GLRB: variants seen among roughly 807,000 people sequenced by gnomAD.
GLRB encodes the protein glycine receptor beta.
GLRB carries 33 observed loss-of-function variants against 54.2 expected under a neutral mutation model. The ratio of observed to expected loss-of-function variants is 0.61; its 90% CI spans 0.46 to 0.81. The LOEUF is 0.81. Ranked by LOEUF, GLRB falls within the 40% of genes least tolerant of loss-of-function variation. GLRB has a pLI of 0.00. For missense variants in GLRB, 572 were observed against 584.6 expected, an observed-to-expected ratio of 0.98 and a Z score of 0.22; for synonymous variants, 209 against 208.2, an observed-to-expected ratio of 1.00 and a Z score of -0.03.
At chr4:157,129,718 T>C (rs1365686415) in intron 4 of GLRB, among the ~76,000 whole-genome samples, 1 of 151,678 alleles carries the variant, frequency 6.6e-6, no homozygotes, top group Non-Finnish European at 1.5e-5. Flanking sequence ...TGGAATTCTA[T>C]TTAAACAAAA....
chr4:157,146,834 CA>C (rs61108448), intron 8 of GLRB, among the ~76,000 whole-genome samples: 290 of 138,876 alleles, frequency 2.1e-3, no homozygotes, highest in East Asian at 0.013. Flanking sequence ...CCTCCCCCCG[CA>C]AAAAAAAAAA....
At chr4:157,078,222 A>T (rs1001721281) in intron 2 of GLRB, 76 bp downstream of exon 2, 12 of 1,594,968 alleles carry the variant, frequency 7.5e-6, no homozygotes, top group Non-Finnish European at 1.0e-5. Context: ...TGGTTTATGA[A>T]GACACACATC....
intron 4 of GLRB, among the ~76,000 whole-genome samples, chr4:157,131,001 T>G (rs937891932): frequency 1.3e-5 from 2 of 151,512 alleles, no homozygotes; most frequent in Admixed American, 1.3e-4. Context: ...CTTGTTAATG[T>G]TATACAGAGA....
intron 8 of GLRB, among the ~76,000 whole-genome samples, 161 bp from the exon 9 acceptor site, chr4:157,152,557 T>C (rs948484432): frequency 3.9e-4 from 60 of 152,306 alleles, no homozygotes; most frequent in African/African-American, 1.4e-3. Flanking sequence ...AGAAAAGGCA[T>C]GTACCTATTA....
In GLRB at chr4:157,079,751, G is replaced by A. The variant is rs977013732; in HGVS notation, c.122+1605G>A. Among the ~76,000 whole-genome samples, 37 of 152,300 alleles carry A rather than the reference G, an allele frequency of 2.4e-4. 1 individual carries two copies. The highest frequency in any genetic ancestry group is 1.4e-3 in the Admixed American group (21 of 15,304). ...TTTTTGTGCCACAAGCTGGAGATTA[G>A]CATTTTAGGGAACTGGACATTGTCA... On this transcript the variant is annotated intron_variant, in intron 2 of 9. Coordinates refer to ENST00000264428, the MANE Select transcript of GLRB (RefSeq NM_000824.5).
chr4:157,133,284 G>A (rs1736283207), intron 4 of GLRB, among the ~76,000 whole-genome samples: 1 of 151,706 alleles, frequency 6.6e-6, no homozygotes, highest in Non-Finnish European at 1.5e-5. Context: ...GAGTAACTGT[G>A]GACTAATTTT....
At chr4:157,149,289 G>C (rs1224707448) in intron 8 of GLRB, among the ~76,000 whole-genome samples, 1 of 151,878 alleles carries the variant, frequency 6.6e-6, no homozygotes, top group Non-Finnish European at 1.5e-5. Context: ...CAGCCTTTTT[G>C]TGATTAACTT....
chr4:157,113,531 T>C (rs1401042022), intron 2 of GLRB, among the ~76,000 whole-genome samples: 1 of 152,012 alleles, frequency 6.6e-6, no homozygotes, highest in Non-Finnish European at 1.5e-5. Context: ...GACCAACAGA[T>C]AGCCTTCAAT....
At chr4:157,127,039 A>C (rs1318016513) in intron 4 of GLRB, among the ~76,000 whole-genome samples, 2 of 151,918 alleles carry the variant, frequency 1.3e-5, no homozygotes, top group African/African-American at 4.8e-5. Context: ...CTTTTGGGAA[A>C]CACAGCTGTG....
intron 2 of GLRB, among the ~76,000 whole-genome samples, chr4:157,101,298 T>C (rs73856828): frequency 0.11 from 16,184 of 151,962 alleles, 969 homozygotes; most frequent in Middle Eastern, 0.19. Flanking sequence ...AATAATATAT[T>C]TTTGGTGACC....
At chr4:157,115,251 GT>G (rs34188430) in intron 2 of GLRB, among the ~76,000 whole-genome samples, 12,600 of 112,366 alleles carry the variant, frequency 0.11, 1,168 homozygotes, top group African/African-American at 0.29. Context: ...CCATTATGGT[GT>G]TTTTTTTTTT....
At chr4:157,096,360 T>C (rs375631966) in intron 2 of GLRB, among the ~76,000 whole-genome samples, 2 of 152,272 alleles carry the variant, frequency 1.3e-5, no homozygotes, top group South Asian at 2.1e-4. Context: ...GAAAATGTTA[T>C]GAGATTTGCT....
chr4:157,124,287 C>A (rs1008739018), intron 4 of GLRB, among the ~76,000 whole-genome samples: 1 of 151,730 alleles, frequency 6.6e-6, no homozygotes, highest in Non-Finnish European at 1.5e-5. Context: ...CTCTTCTAAA[C>A]AGAAATTTTC....
intron 9 of GLRB, among the ~76,000 whole-genome samples, chr4:157,163,180 T>C (rs1181268596): frequency 6.6e-6 from 1 of 152,170 alleles, no homozygotes; most frequent in Non-Finnish European, 1.5e-5. Flanking sequence ...CTAAGACCGT[T>C]GGAAAAGCAC....
chr4:157,140,347 A>C (rs1736562286), intron 7 of GLRB, among the ~76,000 whole-genome samples: 1 of 151,912 alleles, frequency 6.6e-6, no homozygotes, highest in African/African-American at 2.4e-5. Flanking sequence ...TACTTATTAA[A>C]TTACTTATTA....
intron 2 of GLRB, among the ~76,000 whole-genome samples, chr4:157,096,436 G>C (rs1171652273): frequency 6.6e-6 from 1 of 152,118 alleles, no homozygotes; most frequent in Non-Finnish European, 1.5e-5. Context: ...AATGTTGTGG[G>C]AAAACATAGA....
intron 2 of GLRB, among the ~76,000 whole-genome samples, chr4:157,117,696 C>T (rs1383945224): frequency 6.6e-6 from 1 of 151,582 alleles, no homozygotes; most frequent in Non-Finnish European, 1.5e-5. Context: ...CCCCTTACAG[C>T]ACAGGCAACA....
In GLRB at chr4:157,153,040, T is replaced by A. The variant is rs1212245700; in HGVS notation, c.1197+30T>A. 2.6e-6 allele frequency: 4 copies of A among 1,566,422 alleles called. No homozygotes were observed. In the Admixed American group the frequency reaches 6.7e-5, roughly 26 times the overall value. The stretch of plus-strand genomic sequence containing the variant: ...GGATAAAATTATGCCATGAAATCAT[T>A]TCCCCCAACCACTTCATAGTGTCAA... On this transcript the variant is annotated intron_variant, in intron 9 of 9. Transcript: ENST00000264428.
intron 2 of GLRB, chr4:157,091,241 AC>A (rs1208415640): frequency 6.6e-6 from 1 of 152,186 alleles, no homozygotes; most frequent in Non-Finnish European, 1.5e-5. Context: ...TTGTCATACA[AC>A]ATTAAAAAGA....
Sources: gnomAD v4.1 joint callset for allele counts (sites outside exome capture counted in the v4.1 genomes callset) on GRCh38, gnomAD v4.1.1 for gene constraint, MANE v1.5 for transcripts, NCBI Gene and HGNC (gene_info 2026-07-23, HGNC 2026-07-21) for gene names.